Variants in ERBB4 observed in about 807,000 individuals in gnomAD.
ERBB4 encodes the protein erb-b2 receptor tyrosine kinase 4.
In ERBB4, 42 loss-of-function variants were observed where a neutral mutation model predicts 158.0. The ratio of observed to expected loss-of-function variants is 0.27; its 90% CI spans 0.21 to 0.34. The LOEUF is 0.34. Ranked by LOEUF, ERBB4 falls within the 10% of genes least tolerant of loss-of-function variation. The pLI, the probability that ERBB4 is intolerant of heterozygous loss-of-function variation, is 1.00. For missense variants in ERBB4, 1,333 were observed against 1,624.1 expected, an observed-to-expected ratio of 0.82 and a Z score of 3.08; for synonymous variants, 583 against 558.7, an observed-to-expected ratio of 1.04 and a Z score of -0.61.
intron 5 of ERBB4, among the ~76,000 whole-genome samples, chr2:211,740,622 C>CTTTTTTTTTTTTTTTTTTTTTTTTTT (rs1169540948): frequency 2.2e-5 from 2 of 90,174 alleles, no homozygotes; most frequent in Non-Finnish European, 4.0e-5. Context: ...TTTTCTTTGT[C>CTTTTTTTTTTTTTTTTTTTTTTTTTT]TTTTTTTTTT....
At chr2:212,189,861 A>G (rs1574392815) in intron 1 of ERBB4, among the ~76,000 whole-genome samples, 1 of 152,200 alleles carries the variant, frequency 6.6e-6, no homozygotes, top group South Asian at 2.1e-4. Flanking sequence ...TCAAGGAGTT[A>G]AAAAAATTAT....
intron 2 of ERBB4, among the ~76,000 whole-genome samples, chr2:212,038,725 A>G (rs1428680612): frequency 6.6e-6 from 1 of 152,144 alleles, no homozygotes; most frequent in Non-Finnish European, 1.5e-5. Context: ...GTTTTGTTGT[A>G]TATATGGATA....
intron 3 of ERBB4, among the ~76,000 whole-genome samples, chr2:211,834,534 C>T (rs533245971): frequency 1.3e-5 from 2 of 150,834 alleles, no homozygotes; most frequent in South Asian, 4.2e-4. Flanking sequence ...GGGAAGAAGA[C>T]ATTTTTTAAT....
Position 212,339,636 on chromosome 2 carries a change from G to A in ERBB4, c.82+198813C>T, listed in dbSNP as rs2088608643. On this transcript the variant is annotated intron_variant, in intron 1 of 27. Coordinates refer to ENST00000342788, the MANE Select transcript of ERBB4 (RefSeq NM_005235.3). ...TCCCTCTGTTTCTTTCACTGAGTGA[G>A]CTCAACTTATTAAAATGCAGCTAAA... is the stretch of plus-strand genomic sequence containing the variant. Among the ~76,000 whole-genome samples, 3 of 152,056 alleles carry A rather than the reference G, an allele frequency of 2.0e-5. No individual in the cohort carries two copies. In the South Asian group the frequency reaches 6.2e-4, roughly 31 times the overall value.
At chr2:212,256,233 C>T (rs1382654812) in intron 1 of ERBB4, among the ~76,000 whole-genome samples, 1 of 152,054 alleles carries the variant, frequency 6.6e-6, no homozygotes, top group East Asian at 1.9e-4. Flanking sequence ...ACTTTAATAA[C>T]ATAGTAAATG....
intron 13 of ERBB4, among the ~76,000 whole-genome samples, chr2:211,677,161 T>G (rs1392008904): frequency 6.6e-6 from 1 of 152,198 alleles, no homozygotes; most frequent in Non-Finnish European, 1.5e-5. Context: ...TTTTTATTTT[T>G]CTCGTGTAAA....
chr2:211,424,036 C>A, intron 23 of ERBB4, 119 bp downstream of exon 23: 1 of 1,001,856 alleles, frequency 1.0e-6, no homozygotes, highest in Admixed American at 1.7e-5. Context: ...ATGTTCCTTT[C>A]ATAATTGTTT....
At chr2:212,432,469 C>T (rs1489983127) in intron 1 of ERBB4, among the ~76,000 whole-genome samples, 1 of 152,038 alleles carries the variant, frequency 6.6e-6, no homozygotes, top group Non-Finnish European at 1.5e-5. Context: ...ATGTCTAAAA[C>T]TTTAATGGGT....
intron 3 of ERBB4, among the ~76,000 whole-genome samples, chr2:211,886,164 G>C (rs946402682): frequency 1.3e-5 from 2 of 152,152 alleles, no homozygotes; most frequent in Non-Finnish European, 2.9e-5. Flanking sequence ...GGTATCTGCT[G>C]AGTTCTCTAA....
chr2:211,524,041 G>A (rs190656689), intron 20 of ERBB4, among the ~76,000 whole-genome samples: 1 of 152,208 alleles, frequency 6.6e-6, no homozygotes, highest in Non-Finnish European at 1.5e-5. Context: ...GTTGATTGGT[G>A]CACTCACAAA....
chr2:211,685,968 T>G (rs78121803), intron 12 of ERBB4, among the ~76,000 whole-genome samples: 19,427 of 152,220 alleles, frequency 0.13, 1,537 homozygotes, highest in Non-Finnish European at 0.17. Flanking sequence ...TTTTATCTTC[T>G]ATCCTATAAT....
At chr2:212,418,798 A>C (rs1445195092) in intron 1 of ERBB4, among the ~76,000 whole-genome samples, 2 of 151,914 alleles carry the variant, frequency 1.3e-5, no homozygotes, top group African/African-American at 4.8e-5. Context: ...ATAATAACAA[A>C]TTTTAAACAC....
intron 20 of ERBB4, among the ~76,000 whole-genome samples, chr2:211,491,180 G>T (rs942103746): frequency 7.2e-5 from 11 of 152,184 alleles, no homozygotes; most frequent in African/African-American, 2.6e-4. Context: ...ATGGTTTGGT[G>T]GAAATTTATT....
intron 3 of ERBB4, among the ~76,000 whole-genome samples, chr2:211,811,090 T>C (rs2076743170): frequency 6.6e-6 from 1 of 152,204 alleles, no homozygotes; most frequent in African/African-American, 2.4e-5. Context: ...CGTTAGTTGA[T>C]GCAGTTTCTT....
At chr2:211,898,146 C>CAAAAAA (rs2079147718) in intron 3 of ERBB4, among the ~76,000 whole-genome samples, 3 of 151,806 alleles carry the variant, frequency 2.0e-5, no homozygotes, top group Admixed American at 6.6e-5. Context: ...CAGTAGCTTT[C>CAAAAAA]GAAAGCCTAA....
At chr2:212,344,481 T>C (rs2088882569) in intron 1 of ERBB4, among the ~76,000 whole-genome samples, 1 of 146,418 alleles carries the variant, frequency 6.8e-6, no homozygotes, top group African/African-American at 2.7e-5. Context: ...TATATATGTG[T>C]GTGTGTGTGT....
At chr2:211,644,348 T>G (rs1388841814) in intron 16 of ERBB4, among the ~76,000 whole-genome samples, 1 of 152,018 alleles carries the variant, frequency 6.6e-6, no homozygotes, top group Non-Finnish European at 1.5e-5. Context: ...TAGAACACAT[T>G]TCTAATTATG....
chr2:212,286,700 C>T (rs556673400), intron 1 of ERBB4, among the ~76,000 whole-genome samples: 44 of 139,074 alleles, frequency 3.2e-4, no homozygotes, highest in Admixed American at 7.6e-4. Flanking sequence ...CTCCTGAGTT[C>T]ACACAATCCT....
intron 20 of ERBB4, among the ~76,000 whole-genome samples, chr2:211,519,378 G>C (rs1239265804): frequency 2.6e-5 from 4 of 152,036 alleles, no homozygotes; most frequent in African/African-American, 7.2e-5. Context: ...AATTCACATA[G>C]CTGTGTGATG....
Sources: allele counts gnomAD v4.1 joint callset (sites outside exome capture counted in the v4.1 genomes callset), GRCh38; gene constraint gnomAD v4.1.1; transcripts MANE v1.5; gene names NCBI Gene and HGNC (gene_info 2026-07-23, HGNC 2026-07-21).